Variants in ERCC6L2 observed in about 807,000 individuals in gnomAD.
ERCC6L2 encodes DNA excision repair protein ERCC-6-like 2.
Under a neutral mutation model 132.0 loss-of-function variants are expected in ERCC6L2, and 77 were observed. That is an observed-to-expected ratio of 0.58 (90% confidence interval 0.49 to 0.71). The LOEUF (loss-of-function observed/expected upper bound fraction) is 0.71, where lower values mean the gene tolerates loss of function less well. Ranked by LOEUF, ERCC6L2 falls within the 30% of genes least tolerant of loss-of-function variation. ERCC6L2 has a pLI of 0.00. For missense variants in ERCC6L2, 1,542 were observed against 1,837.6 expected, an observed-to-expected ratio of 0.84 and a Z score of 2.94; for synonymous variants, 583 against 632.4, an observed-to-expected ratio of 0.92 and a Z score of 1.17.
At chr9:95,985,122 G>T (rs1308769014) in intron 17 of ERCC6L2, among the ~76,000 whole-genome samples, 1 of 152,122 alleles carries the variant, frequency 6.6e-6, no homozygotes, top group Non-Finnish European at 1.5e-5. Flanking sequence ...TCAGTTTCAG[G>T]TTCCTTTAGT....
At chr9:95,961,708 A>C (rs1344790485) in intron 13 of ERCC6L2, among the ~76,000 whole-genome samples, 2 of 152,164 alleles carry the variant, frequency 1.3e-5, no homozygotes, top group Non-Finnish European at 2.9e-5. Context: ...ACAAAATATA[A>C]AGAACTCCCA....
At chr9:95,896,626 G>A (rs983856580) in intron 2 of ERCC6L2, among the ~76,000 whole-genome samples, 1 of 152,012 alleles carries the variant, frequency 6.6e-6, no homozygotes, top group Non-Finnish European at 1.5e-5. Context: ...GTTTTGCCAT[G>A]TTGCCCACGC....
intron 12 of ERCC6L2, among the ~76,000 whole-genome samples, chr9:95,952,636 C>A (rs990015448): frequency 6.6e-6 from 1 of 152,120 alleles, no homozygotes; most frequent in African/African-American, 2.4e-5. Flanking sequence ...GAGTTCAAGG[C>A]CTGCCTGACC....
At chr9:95,939,082 T>C (rs938162933) in intron 11 of ERCC6L2, among the ~76,000 whole-genome samples, 6 of 152,152 alleles carry the variant, frequency 3.9e-5, no homozygotes, top group Admixed American at 3.3e-4. Context: ...CTTTTCCTAC[T>C]CCACTTTTAA....
intron 4 of ERCC6L2, among the ~76,000 whole-genome samples, chr9:95,914,427 C>T (rs1187163571): frequency 2.0e-5 from 3 of 151,996 alleles, no homozygotes; most frequent in East Asian, 1.9e-4. Flanking sequence ...AATCTGGGCT[C>T]ACTACAACCT....
At chr9:96,032,098 G>C (rs982154680) in intron 19 of ERCC6L2, among the ~76,000 whole-genome samples, 1 of 152,130 alleles carries the variant, frequency 6.6e-6, no homozygotes, top group South Asian at 2.1e-4. Flanking sequence ...CTTCCTCAAA[G>C]CTTCCAGGCT....
intron 12 of ERCC6L2, among the ~76,000 whole-genome samples, chr9:95,943,104 T>A (rs1235169330): frequency 6.6e-6 from 1 of 152,122 alleles, no homozygotes; most frequent in East Asian, 1.9e-4. Flanking sequence ...GTATTTACAA[T>A]TTGTGGCTAA....
rs1834103057 is a variant in ERCC6L2, at chr9:96,013,429, T to C, written c.*226T>C. 3.9e-6 allele frequency: 1 copy of C among 258,930 alleles called. No homozygotes were observed. Among genetic ancestry groups the C allele is most frequent in the Admixed American group, 5.1e-5 (1 of 19,460 alleles). The allele number at this position is 258,930 out of a possible 1,614,324, so 16.0% of individuals were successfully genotyped here. On this transcript the variant is annotated 3_prime_UTR_variant, in exon 19 of 19. Transcript: ENST00000653738. ...GTATTTATAGTATAAACCTCTGTTA[T>C]GAATTAGAAAAGATTCTAGGTTTGT...
Position 95,978,234 on chromosome 9 carries a change from A to G in ERCC6L2, c.3492+19A>G. 1 of 1,339,290 alleles carries G rather than the reference A, an allele frequency of 7.5e-7. No individual in the cohort carries two copies. Among genetic ancestry groups the G allele is most frequent in the Non-Finnish European group, 9.9e-7 (1 of 1,008,068 alleles). 83.0% of individuals were successfully genotyped at this position (1,339,290 alleles called of 1,614,324 possible). A position where few individuals can be genotyped will look rare whatever the true frequency, so the allele number is the denominator to read the frequency against. ...TTCTAAGGTAAGAAAAATATAGGGT[A>G]GTATCATCTTTAGTTACCTCATTTT... On this transcript the variant is annotated intron_variant, in intron 17 of 18. Coordinates refer to ENST00000653738, the MANE Select transcript of ERCC6L2 (RefSeq NM_020207.7).
chr9:95,912,529 C>T (rs779854393), intron 4 of ERCC6L2, among the ~76,000 whole-genome samples: 16 of 152,044 alleles, frequency 1.1e-4, no homozygotes, highest in Non-Finnish European at 1.9e-4. Context: ...CATCCTTATC[C>T]CTAAGTATTT....
rs144904123 is a variant in ERCC6L2 at position 95,891,301 on chromosome 9, A to G, written c.472-6548A>G. The stretch of plus-strand genomic sequence containing the variant: ...ATACTTTTTAACTTTTTTCTAGAAT[A>G]AAAATAATTCTGATTACACTGTAAT... On this transcript the variant is annotated intron_variant, in intron 2 of 18. Coordinates refer to ENST00000653738, the MANE Select transcript of ERCC6L2 (RefSeq NM_020207.7). Among the ~76,000 whole-genome samples the G allele has an allele frequency of 1.5e-4, 23 of 152,332 alleles. No homozygotes were observed. In the East Asian group the frequency reaches 4.4e-3, roughly 29 times the overall value.
intron 19 of ERCC6L2, among the ~76,000 whole-genome samples, chr9:96,023,798 A>T (rs1278219660): frequency 1.3e-5 from 2 of 152,218 alleles, no homozygotes; most frequent in Non-Finnish European, 2.9e-5. Flanking sequence ...ATTAAGGATG[A>T]TCTGAAATAT....
chr9:95,926,208 A>G (rs1485768332), intron 9 of ERCC6L2, among the ~76,000 whole-genome samples: 1 of 152,200 alleles, frequency 6.6e-6, no homozygotes, highest in Non-Finnish European at 1.5e-5. Flanking sequence ...TAACTAAAAA[A>G]TATTACCTTA....
intron 5 of ERCC6L2, 99 bp from the exon 6 acceptor site, chr9:95,916,127 TA>T (rs1289126524): frequency 2.1e-5 from 24 of 1,116,958 alleles, no homozygotes; most frequent in Middle Eastern, 2.8e-4. Flanking sequence ...TTGTTTTTGT[TA>T]CCGTTGATAA....
chr9:95,887,448 C>A (rs1217017806), intron 2 of ERCC6L2, among the ~76,000 whole-genome samples: 1 of 152,118 alleles, frequency 6.6e-6, no homozygotes, highest in East Asian at 1.9e-4. Flanking sequence ...TTTACAGACA[C>A]CAAAATCTTA....
In ERCC6L2 at chr9:95,923,357, C is replaced by G; in HGVS notation, c.1511C>G (p.Pro504Arg). 6.2e-7 allele frequency: 1 copy of G among 1,613,526 alleles called. No individual in the cohort carries two copies. The highest frequency in any genetic ancestry group is 8.5e-7 in the Non-Finnish European group (1 of 1,179,730). ...KDAAFETLSDPKYSGKMKVLQ... is the reference protein window; with the variant it reads ...KDAAFETLSDRKYSGKMKVLQ... The stretch of plus-strand genomic sequence containing the variant: ...GCAGCCTTTGAAACACTTTCTGACC[C>G]TAAATACAGTGGAAAAATGAAGGTA... The change falls in exon 9 of 19, where the codon CCT becomes CGT. Residue 504 changes from proline to arginine, a missense_variant. By Grantham distance (103) the Pro-to-Arg change is moderately radical. Transcript: ENST00000653738.
At chr9:95,883,779 A>C (rs1827722043) in intron 2 of ERCC6L2, among the ~76,000 whole-genome samples, 1 of 152,168 alleles carries the variant, frequency 6.6e-6, no homozygotes, top group Non-Finnish European at 1.5e-5. Flanking sequence ...AATCTCTTGA[A>C]CCTGGGAGGC....
chr9:95,884,465 G>A (rs1350098086), intron 2 of ERCC6L2, among the ~76,000 whole-genome samples: 1 of 150,336 alleles, frequency 6.7e-6, no homozygotes, highest in Non-Finnish European at 1.5e-5. Context: ...TACTGTTTGA[G>A]CTATAGTTTT....
At chr9:96,006,796 A>G (rs951374864) in intron 18 of ERCC6L2, among the ~76,000 whole-genome samples, 6 of 152,188 alleles carry the variant, frequency 3.9e-5, no homozygotes, top group Non-Finnish European at 7.3e-5. Context: ...AACTGAAGCC[A>G]TAAGTTCAGA....
Sources: allele counts gnomAD v4.1 joint callset (sites outside exome capture counted in the v4.1 genomes callset), GRCh38; gene constraint gnomAD v4.1.1; transcripts MANE v1.5; gene names NCBI Gene and HGNC (gene_info 2026-07-23, HGNC 2026-07-21).